Variants in NOL4 observed in about 807,000 individuals in gnomAD.
The protein encoded by NOL4 is nucleolar protein 4, also known as cancer/testis antigen 125.
Under a neutral mutation model 75.9 loss-of-function variants are expected in NOL4, and 17 were observed. The ratio of observed to expected loss-of-function variants is 0.22; its 90% confidence interval spans 0.15 to 0.34. The LOEUF (loss-of-function observed/expected upper bound fraction) is 0.34. Among genes scored for constraint, NOL4 ranks in the 10% least tolerant of loss-of-function variants. The pLI, the probability that NOL4 is intolerant of heterozygous loss-of-function variation, is 1.00. For synonymous variants in NOL4, 292 were observed against 289.9 expected (o/e 1.01, Z -0.07); for missense variants, 614 against 793.5 (o/e 0.77, Z 2.72).
chr18:34,169,565 A>G (rs1415449604), intron 1 of NOL4, among the ~76,000 whole-genome samples: 5 of 152,104 alleles, frequency 3.3e-5, no homozygotes, highest in African/African-American at 9.6e-5. Flanking sequence ...TCAGATTAAA[A>G]GGCAAGCTCC....
rs528806686 is a variant in NOL4, at chr18:33,912,059, T to G, written c.1543-28635A>C. 2.6e-5 allele frequency among the ~76,000 whole-genome samples: 4 copies of G among 152,180 alleles called. No homozygotes were observed. In the East Asian group the frequency reaches 5.8e-4, roughly 22 times the overall value. On this transcript the variant is annotated intron_variant, in intron 9 of 10. Coordinates refer to ENST00000261592, the MANE Select transcript of NOL4 (RefSeq NM_003787.5). ...TTAGTCAATTCTCTTATTTTCATAT[T>G]TGTATAAGTCAATTCTCTATAATAT...
intron 1 of NOL4, among the ~76,000 whole-genome samples, chr18:34,145,440 A>G (rs1402822952): frequency 6.7e-6 from 1 of 150,090 alleles, no homozygotes; most frequent in East Asian, 1.9e-4. Context: ...AACAAATAAA[A>G]GAATGACATA....
chr18:34,034,189 C>T (rs1371175632), intron 5 of NOL4, among the ~76,000 whole-genome samples: 1 of 152,016 alleles, frequency 6.6e-6, no homozygotes, highest in Non-Finnish European at 1.5e-5. Flanking sequence ...ACCAAAATGA[C>T]AGACAATAAG....
At chr18:34,062,226 A>T (rs1024336978) in intron 5 of NOL4, among the ~76,000 whole-genome samples, 2 of 152,028 alleles carry the variant, frequency 1.3e-5, no homozygotes, top group African/African-American at 4.8e-5. Context: ...GTTTTTTTTT[A>T]AAAGATGCCA....
chr18:34,158,851 T>C (rs1019857598), intron 1 of NOL4, among the ~76,000 whole-genome samples: 1 of 152,212 alleles, frequency 6.6e-6, no homozygotes, highest in Non-Finnish European at 1.5e-5. Flanking sequence ...GCAGACGGTA[T>C]AAAAGGAAGC....
rs138644539 is a variant in NOL4, at chr18:34,075,838, T to C, written c.772+17627A>G. ...TTGAGTGCATTTGAATTTTTGTATA[T>C]GAGTTGTATGTGAAATATATATATA... On this transcript the variant is annotated intron_variant, in intron 5 of 10. Coordinates refer to ENST00000261592, the MANE Select transcript of NOL4 (RefSeq NM_003787.5). Among the ~76,000 whole-genome samples the C allele has an allele frequency of 1.6e-3, 239 of 152,280 alleles. 2 individuals are homozygous for C. Among genetic ancestry groups the C allele is most frequent in the African/African-American group, 5.4e-3 (224 of 41,576 alleles).
intron 6 of NOL4, among the ~76,000 whole-genome samples, chr18:33,966,928 C>T (rs981139870): frequency 2.0e-5 from 3 of 152,252 alleles, no homozygotes; most frequent in East Asian, 1.9e-4. Context: ...AGAGTCAACG[C>T]TATTCCTATC....
chr18:34,218,948 A>G (rs796730592), intron 1 of NOL4, among the ~76,000 whole-genome samples: 1 of 152,232 alleles, frequency 6.6e-6, no homozygotes, highest in Admixed American at 6.5e-5. Context: ...CTGATGTAGC[A>G]TAAAGGATTT....
chr18:34,114,892 A>G, intron 2 of NOL4, among the ~76,000 whole-genome samples: 1 of 152,314 alleles, frequency 6.6e-6, no homozygotes, highest in African/African-American at 2.4e-5. Context: ...AATTTCAAGA[A>G]ACCCAAAGTA....
intron 2 of NOL4, among the ~76,000 whole-genome samples, chr18:34,122,436 A>AG (rs1438184276): frequency 6.6e-6 from 1 of 152,108 alleles, no homozygotes; most frequent in Non-Finnish European, 1.5e-5. Flanking sequence ...CCTGATTAAG[A>AG]GGGGGAAAAA....
intron 2 of NOL4, among the ~76,000 whole-genome samples, chr18:34,112,214 T>A (rs973484700): frequency 6.6e-6 from 1 of 151,758 alleles, no homozygotes; most frequent in Non-Finnish European, 1.5e-5. Flanking sequence ...ACTAAAATTA[T>A]GAAAATTGGC....
intron 5 of NOL4, among the ~76,000 whole-genome samples, chr18:34,020,689 TGA>T (rs2074986074): frequency 6.6e-6 from 1 of 152,130 alleles, no homozygotes; most frequent in South Asian, 2.1e-4. Flanking sequence ...TATGGGGATG[TGA>T]GTCATGAAGT....
At chr18:34,009,468 T>A (rs2074249086) in intron 6 of NOL4, among the ~76,000 whole-genome samples, 1 of 152,008 alleles carries the variant, frequency 6.6e-6, no homozygotes, top group African/African-American at 2.4e-5. Context: ...TTTTGCAAGA[T>A]TCAGCTAAAC....
chr18:34,072,212 G>A (rs1029512339), intron 5 of NOL4, among the ~76,000 whole-genome samples: 2 of 152,086 alleles, frequency 1.3e-5, no homozygotes, highest in African/African-American at 2.4e-5. Flanking sequence ...GTGACAGAGC[G>A]AGACTCCATC....
At chr18:33,882,691 C>A (rs1210583356) in intron 10 of NOL4, among the ~76,000 whole-genome samples, 1 of 151,604 alleles carries the variant, frequency 6.6e-6, no homozygotes, top group Admixed American at 6.6e-5. Flanking sequence ...TTTGACCCAG[C>A]AATCCCATTA....
In NOL4 at chr18:33,862,191, T is replaced by C. The variant is rs536845402; in HGVS notation, c.1724-9156A>G. On this transcript the variant is annotated intron_variant, in intron 10 of 10. Transcript: ENST00000261592. ...GGGAAAGGATTCCCTATTTAATAAA[T>C]GGTGCTGGGAAAACTGGCTAGCCAT... 5.2e-3 allele frequency among the ~76,000 whole-genome samples: 791 copies of C among 152,180 alleles called. 4 individuals carry two copies. Among genetic ancestry groups the C allele is most frequent in the Admixed American group, 9.7e-3 (148 of 15,276 alleles).
rs754203893 is a variant in NOL4, at chr18:33,852,985, A to G, written c.1774T>C (p.Ser592Pro). Reference protein sequence around the residue: ...KRQLATSSGSSSSSNSRPQLS... With the variant: ...KRQLATSSGSPSSSNSRPQLS... ...TGGGGTCTGGAGTTTGAGCTGCTGG[A>G]GGATCCTGAGCTAGTCGCCAATTGT... The change falls in exon 11 of 11, where the codon TCC becomes CCC. Residue 592 changes from serine (S) to proline (P), a missense_variant. Around this residue, in one of 9 missense-constraint regions of NOL4, gnomAD observed 128 missense variants for 159.9 expected, o/e 0.80. Transcript: ENST00000261592. 1 of 1,613,068 alleles carries G rather than the reference A, an allele frequency of 6.2e-7. No homozygotes were observed.
chr18:34,130,260 C>T (rs1005080904), intron 1 of NOL4, among the ~76,000 whole-genome samples: 4 of 152,002 alleles, frequency 2.6e-5, no homozygotes, highest in African/African-American at 9.7e-5. Flanking sequence ...GCTTACCCAT[C>T]AATTCCATCT....
intron 2 of NOL4, among the ~76,000 whole-genome samples, chr18:34,108,664 G>T (rs2079434905): frequency 6.6e-6 from 1 of 152,120 alleles, no homozygotes; most frequent in Admixed American, 6.6e-5. Flanking sequence ...AAATATATAT[G>T]TACCTCAAAT....
Sources: allele counts gnomAD v4.1 joint callset (sites outside exome capture counted in the v4.1 genomes callset), GRCh38; gene constraint gnomAD v4.1.1; regional missense constraint gnomAD v4.1.1; transcripts MANE v1.5; gene names NCBI Gene and HGNC (gene_info 2026-07-23, HGNC 2026-07-21).